SPATS2: variants seen among roughly 807,000 people sequenced by gnomAD.
The protein encoded by SPATS2 is spermatogenesis associated serine rich 2, also known as spermatogenesis-associated serine-rich protein 2.
SPATS2 carries 38 observed loss-of-function variants against 63.7 expected under a neutral mutation model. The ratio of observed to expected loss-of-function variants is 0.60; its 90% CI spans 0.46 to 0.78. The LOEUF (loss-of-function observed/expected upper bound fraction) is 0.78, where lower values mean the gene tolerates loss of function less well. Ranked by LOEUF, SPATS2 falls within the 30% of genes least tolerant of loss-of-function variation. SPATS2 has a pLI of 0.00. For synonymous variants in SPATS2, 207 were observed against 232.9 expected (o/e 0.89, Z 1.01); for missense variants, 588 against 666.2 (o/e 0.88, Z 1.29).
intron 3 of SPATS2, among the ~76,000 whole-genome samples, chr12:49,474,392 T>C (rs1218768020): frequency 6.6e-6 from 1 of 152,188 alleles, no homozygotes; most frequent in Admixed American, 6.5e-5. Flanking sequence ...TGCAGTGCTG[T>C]AGTGTTATGA....
At chr12:49,501,809 G>A (rs879400158) in intron 9 of SPATS2, among the ~76,000 whole-genome samples, 38 of 152,070 alleles carry the variant, frequency 2.5e-4, no homozygotes, top group Non-Finnish European at 4.1e-4. Context: ...AGTAGAGATG[G>A]GGTTTCACCA....
In SPATS2 at chr12:49,526,296, C is replaced by T. The variant is rs1158468866; in HGVS notation, c.*41C>T. 1.3e-6 allele frequency: 2 copies of T among 1,540,174 alleles called. No homozygotes were observed. The highest frequency in any genetic ancestry group is 1.7e-6 in the Non-Finnish European group (2 of 1,146,228). ...GCCTCTCTCCTCTATCCACACAATT[C>T]AACTTGATAACTGGACTTTAGGAAA... On this transcript the variant is annotated 3_prime_UTR_variant, in exon 14 of 14. Coordinates refer to ENST00000552918, the MANE Select transcript of SPATS2 (RefSeq NM_023071.4).
At chr12:49,509,740 C>G (rs1227621548) in intron 9 of SPATS2, among the ~76,000 whole-genome samples, 2 of 151,076 alleles carry the variant, frequency 1.3e-5, no homozygotes, top group African/African-American at 4.9e-5. Context: ...TCGCTTGAAC[C>G]CTGGAGGTAG....
intron 2 of SPATS2, among the ~76,000 whole-genome samples, chr12:49,439,534 T>C (rs1469276907): frequency 6.6e-6 from 1 of 152,232 alleles, no homozygotes; most frequent in Non-Finnish European, 1.5e-5. Flanking sequence ...TAGAACTTGC[T>C]GATCGTTTGG....
chr12:49,522,321 G>A (rs879295745), intron 11 of SPATS2, among the ~76,000 whole-genome samples: 3 of 152,180 alleles, frequency 2.0e-5, no homozygotes, highest in Non-Finnish European at 4.4e-5. Flanking sequence ...GATGAAGTAG[G>A]TTTCCTAAGG....
chr12:49,443,863 G>A (rs1319349586), intron 2 of SPATS2, among the ~76,000 whole-genome samples: 1 of 152,188 alleles, frequency 6.6e-6, no homozygotes, highest in Non-Finnish European at 1.5e-5. Context: ...TCTTATGACA[G>A]TACCACACTG....
rs961999366 is a variant in SPATS2 at position 49,516,747 on chromosome 12, A to T, written c.898+2134A>T. 3.3e-5 allele frequency among the ~76,000 whole-genome samples: 5 copies of T among 152,160 alleles called. No individual in the cohort carries two copies. In the South Asian group the frequency reaches 1.0e-3, roughly 32 times the overall value. On this transcript the variant is annotated intron_variant, in intron 10 of 13. Coordinates refer to ENST00000552918, the MANE Select transcript of SPATS2 (RefSeq NM_023071.4). ...AAGAAAAGAAAAGAAAATTTCAGAT[A>T]GCGAGGCTAATGTAACAAATTCCCA...
At chr12:49,427,534 C>G (rs1224791371) in intron 2 of SPATS2, among the ~76,000 whole-genome samples, 1 of 152,144 alleles carries the variant, frequency 6.6e-6, no homozygotes, top group Non-Finnish European at 1.5e-5. Context: ...ATTTCTGGAT[C>G]ATAGGATTGA....
intron 2 of SPATS2, among the ~76,000 whole-genome samples, chr12:49,411,935 T>C (rs1013355030): frequency 2.6e-5 from 4 of 152,144 alleles, no homozygotes; most frequent in African/African-American, 7.2e-5. Flanking sequence ...AATTCCATTT[T>C]TTTCTTCTAA....
intron 4 of SPATS2, among the ~76,000 whole-genome samples, chr12:49,485,254 G>C (rs889406038): frequency 6.6e-6 from 1 of 151,674 alleles, no homozygotes; most frequent in African/African-American, 2.4e-5. Flanking sequence ...TTTTAGTAGA[G>C]ACAGGGTTTC....
At chr12:49,478,181 G>A (rs1370707976) in intron 3 of SPATS2, among the ~76,000 whole-genome samples, 4 of 151,948 alleles carry the variant, frequency 2.6e-5, no homozygotes, top group Non-Finnish European at 4.4e-5. Context: ...GACTAGCTGT[G>A]TTGCCCAGGC....
At chr12:49,441,022 T>C (rs1945409117) in intron 2 of SPATS2, among the ~76,000 whole-genome samples, 1 of 152,214 alleles carries the variant, frequency 6.6e-6, no homozygotes, top group African/African-American at 2.4e-5. Context: ...CTCAAATACA[T>C]TTTGTTTTTC....
At chr12:49,400,325 G>A (rs1169496964) in intron 2 of SPATS2, among the ~76,000 whole-genome samples, 2 of 152,164 alleles carry the variant, frequency 1.3e-5, no homozygotes, top group South Asian at 2.1e-4. Context: ...GGGAGGAAAG[G>A]AATTGGAGAC....
intron 2 of SPATS2, among the ~76,000 whole-genome samples, chr12:49,427,550 G>A (rs1253932101): frequency 6.6e-6 from 1 of 152,116 alleles, no homozygotes; most frequent in African/African-American, 2.4e-5. Context: ...ATTGACAAGT[G>A]TACTACTTTA....
chr12:49,383,519 T>C (rs763860872), intron 2 of SPATS2, among the ~76,000 whole-genome samples: 29 of 152,064 alleles, frequency 1.9e-4, no homozygotes, highest in Non-Finnish European at 3.2e-4. Context: ...CAAGTGATCC[T>C]CCCATCTCAG....
chr12:49,481,685 A>G (rs1208930289), intron 3 of SPATS2, among the ~76,000 whole-genome samples: 1 of 151,164 alleles, frequency 6.6e-6, no homozygotes, highest in African/African-American at 2.4e-5. Flanking sequence ...CTGATCTCGA[A>G]CTCCTTACCT....
chr12:49,429,377 C>T (rs1945138943), intron 2 of SPATS2, among the ~76,000 whole-genome samples: 1 of 152,050 alleles, frequency 6.6e-6, no homozygotes, highest in Non-Finnish European at 1.5e-5. Context: ...AAAATTGGTG[C>T]CAGTGGTGCC....
intron 2 of SPATS2, among the ~76,000 whole-genome samples, chr12:49,452,066 T>C (rs756756111): frequency 6.6e-6 from 1 of 152,242 alleles, no homozygotes; most frequent in African/African-American, 2.4e-5. Context: ...TCAGTTTCAC[T>C]ATGATATGTC....
intron 2 of SPATS2, among the ~76,000 whole-genome samples, chr12:49,379,671 G>A (rs1944178306): frequency 7.2e-6 from 1 of 138,054 alleles, no homozygotes; most frequent in Non-Finnish European, 1.5e-5. Context: ...TGCCCAGGCT[G>A]GAGTGCAGTG....
Sources: gnomAD v4.1 joint callset for allele counts (sites outside exome capture counted in the v4.1 genomes callset) on GRCh38, gnomAD v4.1.1 for gene constraint, MANE v1.5 for transcripts, NCBI Gene and HGNC (gene_info 2026-07-23, HGNC 2026-07-21) for gene names.